Variants in MAP3K20 observed in about 807,000 individuals in gnomAD.
The protein encoded by MAP3K20 is mitogen-activated protein kinase kinase kinase 20.
A neutral mutation model predicts 85.7 loss-of-function variants in MAP3K20; 40 were observed. The ratio of observed to expected loss-of-function variants is 0.47; its 90% CI spans 0.36 to 0.61. MAP3K20 has a LOEUF of 0.61. MAP3K20 is among the 20% of genes least tolerant of loss of function. The pLI is 0.00. For missense variants in MAP3K20, 817 were observed against 961.7 expected (o/e 0.85, Z 1.99); for synonymous variants, 325 against 327.7 (o/e 0.99, Z 0.09).
intron 2 of MAP3K20, among the ~76,000 whole-genome samples, chr2:173,134,406 A>ATGTG (rs1574044672): frequency 5.5e-4 from 4 of 7,256 alleles, no homozygotes; most frequent in Non-Finnish European, 1.3e-3. Flanking sequence ...ATATATATAT[A>ATGTG]TATATATATA....
At chr2:173,110,138 AAC>A (rs1687900034) in intron 2 of MAP3K20, among the ~76,000 whole-genome samples, 2 of 143,672 alleles carry the variant, frequency 1.4e-5, no homozygotes, top group Non-Finnish European at 3.0e-5. Flanking sequence ...TTTAAACAGA[AAC>A]AGTTATTTTA....
intron 12 of MAP3K20, 22 bp from the exon 13 acceptor site, chr2:173,232,170 G>C (rs114750634): frequency 1.9e-6 from 3 of 1,614,030 alleles, no homozygotes; most frequent in African/African-American, 2.7e-5. Context: ...CTTCAAAACC[G>C]TATGTGTCCT....
At chr2:173,105,870 G>GC (rs1045664210) in intron 2 of MAP3K20, among the ~76,000 whole-genome samples, 1 of 152,066 alleles carries the variant, frequency 6.6e-6, no homozygotes, top group Non-Finnish European at 1.5e-5. Flanking sequence ...TGTAATTAAC[G>GC]CCCCTGAATT....
At chr2:173,169,678 C>A in intron 2 of MAP3K20, 127 bp from the exon 3 acceptor site, 1 of 855,370 alleles carries the variant, frequency 1.2e-6, no homozygotes, top group Non-Finnish European at 1.8e-6. Flanking sequence ...CAAGATCACA[C>A]CACTGTACTC....
At chr2:173,155,504 T>G (rs1422535716) in intron 2 of MAP3K20, among the ~76,000 whole-genome samples, 1 of 152,184 alleles carries the variant, frequency 6.6e-6, no homozygotes, top group African/African-American at 2.4e-5. Flanking sequence ...TGGGTGAATG[T>G]TGAATGGAGA....
intron 14 of MAP3K20, among the ~76,000 whole-genome samples, chr2:173,233,213 T>A (rs1338012690): frequency 1.3e-5 from 2 of 152,168 alleles, no homozygotes; most frequent in African/African-American, 4.8e-5. Context: ...CAGGAATCCC[T>A]AAGGACCCCA....
At chr2:173,154,469 C>T (rs2106231389) in intron 2 of MAP3K20, among the ~76,000 whole-genome samples, 1 of 152,292 alleles carries the variant, frequency 6.6e-6, no homozygotes, top group South Asian at 2.1e-4. Flanking sequence ...TAGGCATGAG[C>T]CACCGTGCCC....
intron 14 of MAP3K20, among the ~76,000 whole-genome samples, chr2:173,237,788 G>A (rs192242962): frequency 6.6e-6 from 1 of 152,330 alleles, no homozygotes; most frequent in African/African-American, 2.4e-5. Context: ...CCTGCATTCT[G>A]TACAACAGAA....
chr2:173,078,395 A>T (rs1406762504), intron 1 of MAP3K20, among the ~76,000 whole-genome samples: 1 of 152,204 alleles, frequency 6.6e-6, no homozygotes, highest in African/African-American at 2.4e-5. Context: ...GGAACAGTTA[A>T]GGCACCTTTT....
intron 2 of MAP3K20, among the ~76,000 whole-genome samples, chr2:173,139,178 T>A (rs1337803266): frequency 6.6e-6 from 1 of 152,218 alleles, no homozygotes; most frequent in Non-Finnish European, 1.5e-5. Context: ...ACTGGAGAAG[T>A]ACAGTGCTTA....
rs1356465447 is a variant in MAP3K20 at position 173,266,408 on chromosome 2, A to C, written c.2061A>C (p.Ser687=). The C allele has an allele frequency of 1.9e-6, 3 of 1,614,094 alleles. No individual in the cohort carries two copies. The South Asian group carries it at 3.3e-5, about 18-fold the overall frequency. ...ACAAATATGGACGTGGTAGTATATC[A>C]CTCAATTCTTCTCCTAGAGGAAGAT... ...SRNKYGRGSI[S]LNSSPRGRYS... is the part of the protein sequence containing the mutation. Residue 687 remains serine, a synonymous_variant, in exon 20 of 20, where the codon TCA becomes TCC. Transcript: ENST00000375213.
chr2:173,249,449 G>C (rs1684994484), intron 16 of MAP3K20, among the ~76,000 whole-genome samples: 1 of 152,188 alleles, frequency 6.6e-6, no homozygotes, highest in Non-Finnish European at 1.5e-5. Context: ...ATCGATAATA[G>C]CTCAACTGGT....
intron 16 of MAP3K20, among the ~76,000 whole-genome samples, chr2:173,245,151 C>G (rs1228601061): frequency 1.3e-5 from 2 of 152,158 alleles, no homozygotes; most frequent in African/African-American, 4.8e-5. Context: ...AAAATTATGT[C>G]ATTTCCACAA....
intron 9 of MAP3K20, among the ~76,000 whole-genome samples, chr2:173,206,773 A>G (rs747691871): frequency 4.6e-5 from 7 of 152,172 alleles, no homozygotes; most frequent in African/African-American, 9.7e-5. Flanking sequence ...CATTACATCA[A>G]TTTGGAAAGT....
At chr2:173,234,639 G>A (rs1266801337) in intron 14 of MAP3K20, among the ~76,000 whole-genome samples, 1 of 152,188 alleles carries the variant, frequency 6.6e-6, no homozygotes, top group Non-Finnish European at 1.5e-5. Context: ...TAGACAGAGA[G>A]AACAAAGAGT....
At chr2:173,103,198 T>C (rs1318725680) in intron 2 of MAP3K20, among the ~76,000 whole-genome samples, 1 of 152,206 alleles carries the variant, frequency 6.6e-6, no homozygotes, top group Admixed American at 6.5e-5. Flanking sequence ...AGGGACTTTT[T>C]CTCCCTAAAA....
intron 9 of MAP3K20, among the ~76,000 whole-genome samples, chr2:173,206,930 CTT>C (rs35387016): frequency 0.48 from 69,703 of 144,072 alleles, 18,893 homozygotes; most frequent in South Asian, 0.7. Context: ...AAAGTACTTT[CTT>C]TTTTTTTTTT....
chr2:173,176,362 G>T lies in MAP3K20; in HGVS notation c.247+6470G>T, dbSNP rs958153504. Among the ~76,000 whole-genome samples the T allele has an allele frequency of 1.2e-4, 18 of 151,952 alleles. 1 individual carries two copies. Among genetic ancestry groups the T allele is most frequent in the African/African-American group, 4.3e-4 (18 of 41,474 alleles). ...AAGCAATACGTTTTTGTTCACTTTT[G>T]TTAACTTTAAAATGTATGTAGATAT... is the stretch of plus-strand genomic sequence containing the variant. On this transcript the variant is annotated intron_variant, in intron 3 of 19. Transcript: ENST00000375213.
At chr2:173,213,736 T>C (rs1574120044) in intron 10 of MAP3K20, among the ~76,000 whole-genome samples, 1 of 152,206 alleles carries the variant, frequency 6.6e-6, no homozygotes, top group South Asian at 2.1e-4. Flanking sequence ...CTTGTGGCCG[T>C]TGTTGTGCTG....
Sources: allele counts gnomAD v4.1 joint callset (sites outside exome capture counted in the v4.1 genomes callset), GRCh38; gene constraint gnomAD v4.1.1; transcripts MANE v1.5; gene names NCBI Gene and HGNC (gene_info 2026-07-23, HGNC 2026-07-21).